Variants in MRE11 observed in about 807,000 individuals in gnomAD.
The protein encoded by MRE11 is double-strand break repair protein MRE11.
MRE11 carries 62 observed loss-of-function variants against 91.7 expected under a neutral mutation model. The observed-to-expected ratio is 0.68, with a 90% confidence interval of 0.55 to 0.84. MRE11 has a LOEUF of 0.84. Among genes scored for constraint, MRE11 ranks in the 40% least tolerant of loss-of-function variants. The pLI, the probability that MRE11 is intolerant of heterozygous loss-of-function variation, is 0.00. For missense variants in MRE11, 796 were observed against 852.9 expected (o/e 0.93, Z 0.83); for synonymous variants, 273 against 271.4 (o/e 1.01, Z -0.06).
intron 10 of MRE11, among the ~76,000 whole-genome samples, chr11:94,465,616 G>T (rs13447644): frequency 1.3e-5 from 2 of 151,794 alleles, no homozygotes; most frequent in Non-Finnish European, 2.9e-5. Flanking sequence ...GGCTGGTCTC[G>T]AACTCCTGAC....
At chr11:94,436,480 T>C (rs538717630) in intron 17 of MRE11, among the ~76,000 whole-genome samples, 18 of 152,302 alleles carry the variant, frequency 1.2e-4, no homozygotes, top group African/African-American at 4.1e-4. Flanking sequence ...AAAGACCAAA[T>C]ACTGAACGAA....
chr11:94,505,788 C>T, the MRE11 span, among the ~76,000 whole-genome samples: 4 of 152,210 alleles, frequency 2.6e-5, no homozygotes. Context: ...CTTCAAGCTC[C>T]ATTCATGAAG....
chr11:94,421,421 C>T (rs562280216), intron 19 of MRE11, among the ~76,000 whole-genome samples: 30 of 152,084 alleles, frequency 2.0e-4, no homozygotes, highest in Non-Finnish European at 3.5e-4. Flanking sequence ...CTATCAAAGA[C>T]AAAACTTAAA....
intron 13 of MRE11, among the ~76,000 whole-genome samples, chr11:94,457,887 T>TCTCTCTCTCTCA (rs372404360): frequency 1.2e-4 from 17 of 144,306 alleles, no homozygotes; most frequent in African/African-American, 4.4e-4. Flanking sequence ...TCTCTCTCTC[T>TCTCTCTCTCTCA]CACACACACA....
At chr11:94,450,138 C>T (rs1460438371) in intron 14 of MRE11, among the ~76,000 whole-genome samples, 4 of 152,138 alleles carry the variant, frequency 2.6e-5, no homozygotes, top group African/African-American at 9.7e-5. Flanking sequence ...GAGTTCAATG[C>T]TAATGAATCA....
intron 19 of MRE11, 131 bp downstream of exon 19, chr11:94,429,779 AC>A: frequency 1.3e-6 from 1 of 762,208 alleles, no homozygotes; most frequent in Admixed American, 2.4e-5. Context: ...ACAAACCTGC[AC>A]ATGTACTCCC....
In MRE11 at chr11:94,457,873, C is replaced by CCTCTCT. The variant is rs71305376; in HGVS notation, c.1500+1529_1500+1534dup. 6.1e-3 allele frequency among the ~76,000 whole-genome samples: 882 copies of CCTCTCT among 144,374 alleles called. 6 individuals are homozygous for CCTCTCT. Among genetic ancestry groups the CCTCTCT allele is most frequent in the African/African-American group, 0.021 (800 of 38,850 alleles). The allele number at this position is 144,374 out of a possible 152,430, so 94.7% of individuals were successfully genotyped here. ...CACACTCTTTCTCTTTCTCTCTCTC[C>CCTCTCT]CTCTCTCTCTCTCTCACACACACAC... On this transcript the variant is annotated intron_variant, in intron 13 of 19. Transcript: ENST00000323929.
intron 19 of MRE11, 106 bp downstream of exon 19, chr11:94,429,805 G>C (rs756010941): frequency 2.9e-5 from 27 of 934,732 alleles, no homozygotes; most frequent in Non-Finnish European, 4.4e-5. Flanking sequence ...CATAAAAGAT[G>C]AAGTTATTTA....
upstream of MRE11, chr11:94,496,798 C>A: frequency 6.2e-7 from 1 of 1,613,978 alleles, no homozygotes; most frequent in Non-Finnish European, 8.5e-7. Context: ...CACATGGACA[C>A]CTTATTCCTA....
chr11:94,489,914 C>T (rs1591725247), intron 3 of MRE11, among the ~76,000 whole-genome samples: 1 of 152,106 alleles, frequency 6.6e-6, no homozygotes, highest in African/African-American at 2.4e-5. Flanking sequence ...CAACTATTCA[C>T]CCAAACTCCA....
chr11:94,477,253 A>G (rs1302917647), intron 6 of MRE11, among the ~76,000 whole-genome samples: 6 of 152,182 alleles, frequency 3.9e-5, no homozygotes, highest in African/African-American at 1.2e-4. Flanking sequence ...ATTAAAAGGG[A>G]TGATAAAAGT....
intron 16 of MRE11, among the ~76,000 whole-genome samples, chr11:94,443,064 T>A (rs989771596): frequency 6.6e-6 from 1 of 152,234 alleles, no homozygotes; most frequent in African/African-American, 2.4e-5. Flanking sequence ...TTAAGAGTCA[T>A]TTAATCAACC....
intron 19 of MRE11, among the ~76,000 whole-genome samples, chr11:94,420,974 G>A (rs888169316): frequency 6.6e-6 from 1 of 151,794 alleles, no homozygotes; most frequent in Non-Finnish European, 1.5e-5. Flanking sequence ...AGAGCTTACA[G>A]TGAGCTGAGA....
At chr11:94,505,302 A>G in the MRE11 span, among the ~76,000 whole-genome samples, 1,070 of 152,338 alleles carry the variant, frequency 7.0e-3, 12 homozygotes, top group African/African-American at 0.024. Flanking sequence ...TGACATAGGA[A>G]TAACTCCATA....
rs866481494 is a variant in MRE11, at chr11:94,423,404, G to A, written c.2071-3223C>T. ...GGCCCAAACAGTAGGCAGAGACAGA[G>A]CTCCAGAATACATGGAGCCCAGGGG... On this transcript the variant is annotated intron_variant, in intron 19 of 19. Transcript: ENST00000323929. Among the ~76,000 whole-genome samples, 59 of 152,320 alleles carry A rather than the reference G, an allele frequency of 3.9e-4. No individual in the cohort carries two copies. The Middle Eastern group carries it at 0.01, about 26-fold the overall frequency.
the MRE11 span, among the ~76,000 whole-genome samples, chr11:94,503,607 T>A: frequency 6.6e-6 from 1 of 151,774 alleles, no homozygotes; most frequent in South Asian, 2.1e-4. Flanking sequence ...GGAGAATTGC[T>A]TTTGCTTGAA....
At chr11:94,434,193 C>T (rs1277365218) in intron 18 of MRE11, among the ~76,000 whole-genome samples, 3 of 152,174 alleles carry the variant, frequency 2.0e-5, no homozygotes, top group Non-Finnish European at 2.9e-5. Context: ...AAACATTTAT[C>T]TTTCTATCCC....
chr11:94,478,413 T>A (rs147592937), intron 6 of MRE11, among the ~76,000 whole-genome samples: 1 of 152,306 alleles, frequency 6.6e-6, no homozygotes, highest in East Asian at 1.9e-4. Flanking sequence ...CACAAAATTA[T>A]AAGCTAGCGG....
intron 16 of MRE11, among the ~76,000 whole-genome samples, chr11:94,444,425 T>G (rs934246059): frequency 4.6e-5 from 7 of 152,128 alleles, no homozygotes; most frequent in African/African-American, 1.7e-4. Flanking sequence ...TGTTTTAGGC[T>G]TTTAGCAGCT....
Sources: allele counts gnomAD v4.1 joint callset (sites outside exome capture counted in the v4.1 genomes callset), GRCh38; gene constraint gnomAD v4.1.1; transcripts MANE v1.5; gene names NCBI Gene and HGNC (gene_info 2026-07-23, HGNC 2026-07-21).